Variants in CADPS2 observed in about 807,000 individuals in gnomAD.
The protein encoded by CADPS2 is calcium dependent secretion activator 2, also known as calcium-dependent secretion activator 2.
Under a neutral mutation model 172.5 loss-of-function variants are expected in CADPS2, and 93 were observed. That is an observed-to-expected ratio of 0.54 (90% CI 0.46 to 0.64). CADPS2 has a LOEUF of 0.64. Among genes scored for constraint, CADPS2 ranks in the 30% least tolerant of loss-of-function variants. CADPS2 has a pLI of 0.00. For missense variants in CADPS2, 1,420 were observed against 1,565.9 expected (o/e 0.91, Z 1.57); for synonymous variants, 546 against 555.2 (o/e 0.98, Z 0.23).
At chr7:122,753,549 T>C (rs1411565012) in intron 1 of CADPS2, among the ~76,000 whole-genome samples, 1 of 152,124 alleles carries the variant, frequency 6.6e-6, no homozygotes, top group Non-Finnish European at 1.5e-5. Context: ...TAAATAATGG[T>C]TTAGTGATAT....
chr7:122,613,238 T>G (rs1329873963), intron 6 of CADPS2, among the ~76,000 whole-genome samples: 1 of 151,942 alleles, frequency 6.6e-6, no homozygotes, highest in Non-Finnish European at 1.5e-5. Context: ...GTGAAAAAAA[T>G]TCACAGAATG....
intron 3 of CADPS2, among the ~76,000 whole-genome samples, chr7:122,642,851 G>GA (rs559437246): frequency 1.6e-3 from 238 of 151,532 alleles, no homozygotes; most frequent in African/African-American, 5.6e-3. Context: ...TTCTCCTACT[G>GA]AAAAAAAATC....
chr7:122,803,365 C>A (rs909963536), intron 1 of CADPS2, among the ~76,000 whole-genome samples: 14 of 152,214 alleles, frequency 9.2e-5, no homozygotes, highest in African/African-American at 3.4e-4. Context: ...GGAACAAGAA[C>A]AAAACCTCCC....
At chr7:122,582,733 C>T (rs547383333) in intron 6 of CADPS2, among the ~76,000 whole-genome samples, 1 of 151,964 alleles carries the variant, frequency 6.6e-6, no homozygotes, top group Non-Finnish European at 1.5e-5. Context: ...CTTTTAAATT[C>T]AGTGTCACAT....
At chr7:122,819,661 CACCT>C (rs1802547420) in intron 1 of CADPS2, among the ~76,000 whole-genome samples, 1 of 152,102 alleles carries the variant, frequency 6.6e-6, no homozygotes, top group Non-Finnish European at 1.5e-5. Flanking sequence ...TAGTTATCCC[CACCT>C]GCCCAGTTCC....
intron 3 of CADPS2, among the ~76,000 whole-genome samples, chr7:122,656,160 T>G (rs1289203143): frequency 6.6e-6 from 1 of 152,156 alleles, no homozygotes. Flanking sequence ...AAGAAATTCC[T>G]GGAGCCACAA....
intron 12 of CADPS2, among the ~76,000 whole-genome samples, chr7:122,480,518 T>C (rs1254983144): frequency 6.6e-6 from 1 of 152,178 alleles, no homozygotes; most frequent in African/African-American, 2.4e-5. Flanking sequence ...CTTCATCAAT[T>C]GGGTGTTTTT....
intron 20 of CADPS2, 62 bp from the exon 21 acceptor site, chr7:122,393,644 T>C (rs1337462562): frequency 9.4e-6 from 15 of 1,589,818 alleles, no homozygotes; most frequent in South Asian, 2.3e-5. Flanking sequence ...TTGGAAAATA[T>C]GGGCCAAAAA....
At chr7:122,721,741 A>T (rs1034358362) in intron 2 of CADPS2, among the ~76,000 whole-genome samples, 1 of 152,144 alleles carries the variant, frequency 6.6e-6, no homozygotes. Context: ...AACAAAAAAA[A>T]AGAGAATTTT....
intron 1 of CADPS2, among the ~76,000 whole-genome samples, chr7:122,744,418 G>C (rs538309513): frequency 4.2e-4 from 64 of 152,188 alleles, no homozygotes; most frequent in African/African-American, 1.5e-3. Flanking sequence ...CCTAACCAGA[G>C]GGAAAATACC....
intron 3 of CADPS2, among the ~76,000 whole-genome samples, chr7:122,645,383 ACATGTGTGTG>A (rs1563948174): frequency 4.6e-5 from 3 of 65,380 alleles, no homozygotes; most frequent in Non-Finnish European, 1.1e-4. Flanking sequence ...ACACATATGT[ACATGTGTGTG>A]TATATATGTA....
intron 2 of CADPS2, among the ~76,000 whole-genome samples, chr7:122,671,034 T>C (rs1045358775): frequency 3.3e-5 from 5 of 152,164 alleles, no homozygotes; most frequent in Non-Finnish European, 7.3e-5. Flanking sequence ...TCCACCCAGC[T>C]GATCCCTACT....
At chr7:122,843,040 A>G (rs1326773782) in intron 1 of CADPS2, among the ~76,000 whole-genome samples, 2 of 152,226 alleles carry the variant, frequency 1.3e-5, no homozygotes, top group Non-Finnish European at 2.9e-5. Flanking sequence ...CACAAGGGAA[A>G]AAATGCTTTA....
intron 1 of CADPS2, among the ~76,000 whole-genome samples, chr7:122,884,002 GA>G (rs1201726374): frequency 2.6e-5 from 4 of 152,076 alleles, no homozygotes; most frequent in South Asian, 2.1e-4. Context: ...AGGAGTCAGA[GA>G]AAAATGCACT....
chr7:122,864,889 G>A (rs1817891078), intron 1 of CADPS2, among the ~76,000 whole-genome samples: 1 of 152,112 alleles, frequency 6.6e-6, no homozygotes, highest in Non-Finnish European at 1.5e-5. Context: ...AGGGGGAAGA[G>A]ACCAGAGAGA....
chr7:122,733,514 T>C (rs2091878224), intron 2 of CADPS2, among the ~76,000 whole-genome samples: 1 of 128,528 alleles, frequency 7.8e-6, no homozygotes, highest in African/African-American at 2.7e-5. Flanking sequence ...TGAACAAATG[T>C]GATCCCAAAA....
chr7:122,546,026 T>C (rs1345214217), intron 8 of CADPS2, among the ~76,000 whole-genome samples: 1 of 152,190 alleles, frequency 6.6e-6, no homozygotes, highest in Non-Finnish European at 1.5e-5. Flanking sequence ...GATGTGCTTT[T>C]CTCTTCTGAA....
At chr7:122,431,705 T>C (rs2049933432) in intron 17 of CADPS2, among the ~76,000 whole-genome samples, 1 of 152,100 alleles carries the variant, frequency 6.6e-6, no homozygotes, top group African/African-American at 2.4e-5. Context: ...TTGCAAAGTA[T>C]TGTCTTAAGA....
At chr7:122,669,355 A>G (rs1366660810) in intron 2 of CADPS2, among the ~76,000 whole-genome samples, 2 of 139,480 alleles carry the variant, frequency 1.4e-5, no homozygotes. Context: ...ATATATATAT[A>G]TTTTTTTTTT....
Sources: gnomAD v4.1 joint callset for allele counts (sites outside exome capture counted in the v4.1 genomes callset) on GRCh38, gnomAD v4.1.1 for gene constraint, MANE v1.5 for transcripts, NCBI Gene and HGNC (gene_info 2026-07-23, HGNC 2026-07-21) for gene names.